The following PKNOX1 variants were observed in gnomAD, a reference collection of about 807,000 sequenced individuals.
The protein encoded by PKNOX1 is homeobox protein PKNOX1.
Under a neutral mutation model 51.9 loss-of-function variants are expected in PKNOX1, and 15 were observed. That is an observed-to-expected ratio of 0.29 (90% confidence interval 0.19 to 0.45). PKNOX1 has a LOEUF of 0.45. Among genes scored for constraint, PKNOX1 ranks in the 20% least tolerant of loss-of-function variants. PKNOX1 has a pLI of 1.00. For missense variants in PKNOX1, 462 were observed against 547.5 expected (o/e 0.84, Z 1.56); for synonymous variants, 219 against 211.1 (o/e 1.04, Z -0.32).
Position 43,007,838 on chromosome 21 carries a change from C to T in PKNOX1, c.179+220C>T, listed in dbSNP as rs576206145. The stretch of plus-strand genomic sequence containing the variant: ...TAGCACTTTGGGAGGCTGAGGCGGG[C>T]GGATCACTTGAGGTTAAGAGTTTGA... On this transcript the variant is annotated intron_variant, in intron 3 of 10. Coordinates refer to ENST00000291547, the MANE Select transcript of PKNOX1 (RefSeq NM_004571.5). 6.2e-4 allele frequency: 261 copies of T among 419,222 alleles called. 2 individuals carry two copies. The South Asian group carries it at 6.4e-3, about 10-fold the overall frequency. 26.0% of individuals were successfully genotyped at this position (419,222 alleles called of 1,614,324 possible).
At chr21:42,975,270 G>T (rs2058988721) in intron 1 of PKNOX1, among the ~76,000 whole-genome samples, 1 of 150,660 alleles carries the variant, frequency 6.6e-6, no homozygotes, top group South Asian at 2.1e-4. Context: ...CGGCCGTGGC[G>T]AGCGGGTGGG....
At chr21:43,010,492 C>T (rs1242741261) in intron 4 of PKNOX1, among the ~76,000 whole-genome samples, 1 of 152,084 alleles carries the variant, frequency 6.6e-6, no homozygotes, top group Non-Finnish European at 1.5e-5. Flanking sequence ...TGGTCTCAAA[C>T]TCCTGGCCTC....
chr21:43,021,494 G>T lies in PKNOX1; in HGVS notation c.849+63G>T. On this transcript the variant is annotated intron_variant, in intron 8 of 10. Transcript: ENST00000291547. The surrounding 1 kb of genome is among the most constrained non-coding windows in gnomAD (Gnocchi z 4.6). ...CTGCGACGCTTGCTCTCTGGCTTAT[G>T]TGTCATGGAAAAGGGTTACTTCTCT... 1.3e-6 allele frequency: 2 copies of T among 1,505,648 alleles called. No individual in the cohort carries two copies. Among genetic ancestry groups the T allele is most frequent in the Non-Finnish European group, 8.9e-7 (1 of 1,121,874 alleles). 93.3% of individuals were successfully genotyped at this position (1,505,648 alleles called of 1,614,324 possible). A position where few individuals can be genotyped will look rare whatever the true frequency, so the allele number is the denominator to read the frequency against.
chr21:43,023,541 G>A (rs570585615), intron 8 of PKNOX1, among the ~76,000 whole-genome samples: 89 of 152,158 alleles, frequency 5.8e-4, no homozygotes, highest in African/African-American at 1.9e-3. Context: ...CATATAGACA[G>A]TCATCAACCT....
intron 1 of PKNOX1, among the ~76,000 whole-genome samples, chr21:42,982,315 A>G (rs1039983780): frequency 1.3e-5 from 2 of 152,224 alleles, no homozygotes; most frequent in African/African-American, 2.4e-5. Context: ...CTATGATCAC[A>G]GTTTCCAGAA....
chr21:43,019,758 T>C (rs1379219509), intron 7 of PKNOX1, among the ~76,000 whole-genome samples: 1 of 152,134 alleles, frequency 6.6e-6, no homozygotes, highest in Non-Finnish European at 1.5e-5. Context: ...GCCAGTCTGG[T>C]CTCGAAATCC....
At chr21:43,024,142 C>G (rs977977637) in intron 8 of PKNOX1, among the ~76,000 whole-genome samples, 1 of 152,184 alleles carries the variant, frequency 6.6e-6, no homozygotes, top group Non-Finnish European at 1.5e-5. Context: ...ACTGACAGCA[C>G]AGGTGAATCC....
chr21:42,976,078 T>C (rs1005859640), intron 1 of PKNOX1, among the ~76,000 whole-genome samples: 1 of 152,220 alleles, frequency 6.6e-6, no homozygotes, highest in African/African-American at 2.4e-5. Flanking sequence ...TTGTGAATCC[T>C]GTCCTTGTAC....
Position 43,007,585 on chromosome 21 carries a change from C to A in PKNOX1, c.146C>A (p.Thr49Asn). 1 of 1,614,148 alleles carries A rather than the reference C, an allele frequency of 6.2e-7. No individual in the cohort carries two copies. The highest frequency in any genetic ancestry group is 1.6e-4 in the Middle Eastern group (1 of 6,062). Residue 49 changes from threonine to asparagine, a missense_variant, in exon 3 of 11, where the codon ACC becomes AAC. Coordinates refer to ENST00000291547, the MANE Select transcript of PKNOX1 (RefSeq NM_004571.5). The part of the protein sequence containing the change: ...GVSPPPVESQ[T>N]PMDVDKQAIY... Reference sequence around the variant, plus strand: ...AGCCCTCCCCCTGTGGAGTCTCAGACCCCGATGGATGTGGACAAGCAGGCC... The same window carrying A: ...AGCCCTCCCCCTGTGGAGTCTCAGAACCCGATGGATGTGGACAAGCAGGCC...
intron 8 of PKNOX1, among the ~76,000 whole-genome samples, chr21:43,023,312 C>A (rs1979843888): frequency 6.6e-6 from 1 of 152,100 alleles, no homozygotes; most frequent in African/African-American, 2.4e-5. Context: ...TTTGAGGAAA[C>A]AAACCCATCA....
chr21:42,987,599 G>A (rs76141610), intron 1 of PKNOX1, among the ~76,000 whole-genome samples: 2 of 146,084 alleles, frequency 1.4e-5, no homozygotes, highest in African/African-American at 5.0e-5. Context: ...TATGGCCCTA[G>A]GGCTGAGAAT....
rs566408303 is a variant in PKNOX1 at position 42,977,933 on chromosome 21, T to A, written c.-57+3269T>A. On this transcript the variant is annotated intron_variant, in intron 1 of 10. Transcript: ENST00000291547. ...CCTGGTTCTCGATTAGGCTTCAGTTTAAGGGAATGTTGTGGCTGGTTTGAT... is the reference window on the plus strand; with the variant it reads ...CCTGGTTCTCGATTAGGCTTCAGTTAAAGGGAATGTTGTGGCTGGTTTGAT... Among the ~76,000 whole-genome samples, 4 of 152,242 alleles carry A rather than the reference T, an allele frequency of 2.6e-5. No homozygotes were observed. In the South Asian group the frequency reaches 8.3e-4, roughly 32 times the overall value.
chr21:42,996,132 T>A (rs550008338), intron 1 of PKNOX1, among the ~76,000 whole-genome samples: 1 of 152,226 alleles, frequency 6.6e-6, no homozygotes, highest in East Asian at 1.9e-4. Context: ...GGAGGATCAC[T>A]TGAGTCCAGG....
At chr21:42,994,944 C>T (rs1240138364) in intron 1 of PKNOX1, among the ~76,000 whole-genome samples, 2 of 90,262 alleles carry the variant, frequency 2.2e-5, no homozygotes, top group Admixed American at 3.2e-4. Context: ...TTTTTTAAGA[C>T]AGAGTCTTGC....
rs757365147 is a variant in PKNOX1 at position 43,030,115 on chromosome 21, C to T, written c.*14C>T. ...TCCCTGCAGTAGGGGCAGGAGCAGA[C>T]GCACCTGACTTTTTGGAGTTTGCAC... On this transcript the variant is annotated 3_prime_UTR_variant, in exon 11 of 11. Coordinates refer to ENST00000291547, the MANE Select transcript of PKNOX1 (RefSeq NM_004571.5). The T allele has an allele frequency of 7.7e-6, 12 of 1,557,758 alleles. No individual in the cohort carries two copies. Among genetic ancestry groups the T allele is most frequent in the Admixed American group, 7.4e-5 (4 of 53,980 alleles).
intron 8 of PKNOX1, chr21:43,024,641 G>A (rs549707620): frequency 2.0e-6 from 1 of 491,432 alleles, no homozygotes. Context: ...CGTTAAACGT[G>A]GGGGGCGGTC....
chr21:43,032,786 A>C lies in PKNOX1; in HGVS notation c.*2685A>C, dbSNP rs1221388716. 6.6e-6 allele frequency: 1 copy of C among 152,308 alleles called. No homozygotes were observed. The highest frequency in any genetic ancestry group is 1.5e-5 in the Non-Finnish European group (1 of 68,098). The allele number at this position is 152,308 out of a possible 1,614,324, so 9.4% of individuals were successfully genotyped here. A position where few individuals can be genotyped will look rare whatever the true frequency, so the allele number is the denominator to read the frequency against. On this transcript the variant is annotated 3_prime_UTR_variant, in exon 11 of 11. Coordinates refer to ENST00000291547, the MANE Select transcript of PKNOX1 (RefSeq NM_004571.5). ...AATTCAGAGGAATAGGATAAAGATC[A>C]CTTAGAGAAAGGGTGCTTATGGACA...
At position 43,028,725 on chromosome 21, in the gene PKNOX1, T is replaced by C. The variant is rs1432011344; in HGVS notation, c.950T>C (p.Ile317Thr). The C allele has an allele frequency of 2.5e-6, 4 of 1,613,976 alleles. No homozygotes were observed. Among genetic ancestry groups the C allele is most frequent in the Non-Finnish European group, 3.4e-6 (4 of 1,180,030 alleles). The change falls in exon 10 of 11, where the codon ATT becomes ACT. Residue 317 changes from isoleucine to threonine, a missense_variant. This residue lies in a region of PKNOX1 where 75 missense variants were observed against 129.8 expected (regional missense o/e 0.58). Coordinates refer to ENST00000291547, the MANE Select transcript of PKNOX1 (RefSeq NM_004571.5). ...AGGTTCATCAATGCCAGAAGACGAA[T>C]TCTTCAGCCAATGTTGGATTCAAGT... ...NNWFINARRR[I>T]LQPMLDSSCS...
chr21:43,031,918 A>G lies in PKNOX1; in HGVS notation c.*1817A>G, dbSNP rs573305110. 26 of 201,726 alleles carry G rather than the reference A, an allele frequency of 1.3e-4. No homozygotes were observed. The East Asian group carries it at 3.3e-3, about 26-fold the overall frequency. 12.5% of individuals were successfully genotyped at this position (201,726 alleles called of 1,614,324 possible). ...CTCTTGTTGCCCAGGCTGGAGGGCAATGGTGCAATCTCAGCTCACTGCAAC... is the reference window on the plus strand; with the variant it reads ...CTCTTGTTGCCCAGGCTGGAGGGCAGTGGTGCAATCTCAGCTCACTGCAAC... On this transcript the variant is annotated 3_prime_UTR_variant, in exon 11 of 11. Coordinates refer to ENST00000291547, the MANE Select transcript of PKNOX1 (RefSeq NM_004571.5).
Sources: allele counts gnomAD v4.1 joint callset (sites outside exome capture counted in the v4.1 genomes callset), GRCh38; gene constraint gnomAD v4.1.1; regional missense constraint gnomAD v4.1.1; non-coding constraint Gnocchi (gnomAD v3.1); transcripts MANE v1.5; gene names NCBI Gene and HGNC (gene_info 2026-07-23, HGNC 2026-07-21).